The following ATP7B variants were observed in gnomAD, a reference collection of about 807,000 sequenced individuals.
ATP7B encodes the protein copper-transporting ATPase 2.
A neutral mutation model predicts 118.9 loss-of-function variants in ATP7B; 113 were observed. The ratio of observed to expected loss-of-function variants is 0.95; its 90% CI spans 0.82 to 1.11. The LOEUF is 1.11. Ranked by LOEUF, ATP7B falls within the 50% of genes most tolerant of loss-of-function variation. The pLI is 0.00. For synonymous variants in ATP7B, 777 were observed against 727.4 expected, an observed-to-expected ratio of 1.07 and a Z score of -1.10; for missense variants, 1,867 against 1,871.4, an observed-to-expected ratio of 1.00 and a Z score of 0.04.
chr13:51,973,660 C>T (rs1054819744), intron 2 of ATP7B, among the ~76,000 whole-genome samples: 3 of 152,216 alleles, frequency 2.0e-5, no homozygotes, highest in Non-Finnish European at 2.9e-5. Flanking sequence ...AATTCCATAT[C>T]TTTATAAATT....
intron 1 of ATP7B, among the ~76,000 whole-genome samples, chr13:51,993,624 A>G (rs1441285083): frequency 6.6e-6 from 1 of 152,218 alleles, no homozygotes; most frequent in Non-Finnish European, 1.5e-5. Context: ...GTGCTCAGAT[A>G]GATTACTGGG....
intron 19 of ATP7B, among the ~76,000 whole-genome samples, chr13:51,936,692 A>T (rs565730497): frequency 1.1e-3 from 167 of 152,114 alleles, no homozygotes; most frequent in Non-Finnish European, 1.7e-3. Context: ...ACGCCCAGCT[A>T]ACTTTAAAAT....
Position 51,934,342 on chromosome 13 carries a change from G to C in ATP7B, c.*414C>G. ...TGATGCACACAGACAGGCGTCATCA[G>C]AAAGACCCTGACAGTGAGGTCTGCA... On this transcript the variant is annotated 3_prime_UTR_variant, in exon 21 of 21. Coordinates refer to ENST00000242839, the MANE Select transcript of ATP7B (RefSeq NM_000053.4). 3.3e-6 allele frequency: 1 copy of C among 303,996 alleles called. No homozygotes were observed. 18.8% of individuals were successfully genotyped at this position (303,996 alleles called of 1,614,324 possible).
At chr13:51,937,777 G>A in intron 17 of ATP7B, 98 bp from the exon 18 acceptor site, 1 of 1,380,948 alleles carries the variant, frequency 7.2e-7, no homozygotes, top group Non-Finnish European at 1.0e-6. Context: ...TCGGCCTCTG[G>A]GTCCAGTCAG....
At chr13:51,965,746 G>A (rs1951517497) in intron 4 of ATP7B, among the ~76,000 whole-genome samples, 1 of 152,190 alleles carries the variant, frequency 6.6e-6, no homozygotes, top group Admixed American at 6.5e-5. Context: ...AAGGCTGCAG[G>A]GCTGGATGGG....
At chr13:51,965,096 T>C (rs1231715112) in intron 4 of ATP7B, 63 bp from the exon 5 acceptor site, 7 of 1,604,354 alleles carry the variant, frequency 4.4e-6, no homozygotes, top group Non-Finnish European at 6.0e-6. Context: ...TGAAAGCCAG[T>C]CCAGGGAGTC....
chr13:51,941,232 A>G lies in ATP7B; in HGVS notation c.3413-8T>C, dbSNP rs1957312964. 3 of 1,614,016 alleles carry G rather than the reference A, an allele frequency of 1.9e-6. No individual in the cohort carries two copies. In the Admixed American group the frequency reaches 5.0e-5, roughly 27 times the overall value. On this transcript the variant is annotated splice_polypyrimidine_tract_variant and splice_region_variant and intron_variant, in intron 15 of 20. Transcript: ENST00000242839. ...AGGTCTGGGGGACTGCATCTATTCA[A>G]AAGAGGCTGTGGTTATTTCTAAATG... is the stretch of plus-strand genomic sequence containing the variant.
intron 3 of ATP7B, among the ~76,000 whole-genome samples, chr13:51,969,423 G>A (rs767051769): frequency 4.6e-5 from 7 of 151,800 alleles, no homozygotes; most frequent in Non-Finnish European, 7.4e-5. Context: ...TGCTGTTACC[G>A]GAAGGATATC....
chr13:51,956,025 G>A (rs1323497304), intron 9 of ATP7B, among the ~76,000 whole-genome samples: 2 of 152,230 alleles, frequency 1.3e-5, no homozygotes, highest in Non-Finnish European at 2.9e-5. Context: ...GATGATGACA[G>A]TGCTGCCTCA....
At chr13:52,010,775 T>C (rs1243937041) in intron 1 of ATP7B, among the ~76,000 whole-genome samples, 2 of 152,256 alleles carry the variant, frequency 1.3e-5, no homozygotes, top group African/African-American at 2.4e-5. Context: ...TGAAGACATA[T>C]GTACGTGAAT....
chr13:52,002,107 C>G (rs1953517083), intron 1 of ATP7B, among the ~76,000 whole-genome samples: 1 of 152,162 alleles, frequency 6.6e-6, no homozygotes, highest in Non-Finnish European at 1.5e-5. Flanking sequence ...CTCTTCACAT[C>G]TATTTTGTTC....
chr13:51,952,429 A>G (rs900623882), intron 9 of ATP7B, among the ~76,000 whole-genome samples: 10 of 152,252 alleles, frequency 6.6e-5, no homozygotes, highest in Non-Finnish European at 1.3e-4. Flanking sequence ...CATTTAAACT[A>G]TCACAGGCAC....
At position 51,973,971 on chromosome 13, in the gene ATP7B, T is replaced by C. The variant is rs1202519735; in HGVS notation, c.1249A>G (p.Ile417Val). Residue 417 changes from isoleucine to valine, a missense_variant, in exon 2 of 21, where the codon ATA (isoleucine) becomes GTA (valine). Physicochemically the swap from Ile to Val is conservative, Grantham distance 29. Transcript: ENST00000242839. ...GAAGCCTCAAATCCCATGTCTTCTA[T>C]AGCAGCTCTGAGTTCTTCTGGGCTA... is the stretch of plus-strand genomic sequence containing the variant. ...VISPEELRAA[I>V]EDMGFEASVV... 1.9e-6 allele frequency: 3 copies of C among 1,614,156 alleles called. No homozygotes were observed. Among genetic ancestry groups the C allele is most frequent in the Non-Finnish European group, 2.5e-6 (3 of 1,180,062 alleles).
At chr13:51,985,847 T>C (rs919229456) in intron 1 of ATP7B, among the ~76,000 whole-genome samples, 2 of 151,666 alleles carry the variant, frequency 1.3e-5, no homozygotes, top group South Asian at 2.1e-4. Flanking sequence ...AAGGCAGAAA[T>C]AAGTTCTTTG....
intron 1 of ATP7B, among the ~76,000 whole-genome samples, chr13:51,993,625 G>T (rs575939547): frequency 6.6e-6 from 1 of 152,270 alleles, no homozygotes; most frequent in East Asian, 1.9e-4. Flanking sequence ...TGCTCAGATA[G>T]ATTACTGGGT....
chr13:51,938,583 T>C (rs1176945058), intron 17 of ATP7B, among the ~76,000 whole-genome samples: 3 of 152,228 alleles, frequency 2.0e-5, no homozygotes, highest in Admixed American at 2.0e-4. Context: ...CTGGAGCCGC[T>C]GCTGTGTGAG....
Position 51,939,201 on chromosome 13 carries a change from G to A in ATP7B, c.3557-8C>T, listed in dbSNP as rs765668065. On this transcript the variant is annotated splice_region_variant and splice_polypyrimidine_tract_variant and intron_variant, in intron 16 of 20. Transcript: ENST00000242839. ...TCATCCCACAGAGCACACCTGGAGCGAACCAGCCAGCATCAGCAGCTACAC... is the reference window on the plus strand; with the variant it reads ...TCATCCCACAGAGCACACCTGGAGCAAACCAGCCAGCATCAGCAGCTACAC... 11 of 1,612,104 alleles carry A rather than the reference G, an allele frequency of 6.8e-6. No individual in the cohort carries two copies. The highest frequency in any genetic ancestry group is 1.6e-4 in the Middle Eastern group (1 of 6,084).
rs565718194 is a variant in ATP7B, at chr13:51,943,876, C to A, written c.3243+233G>T. ...ACTCCTGTTGTTCTCCTGAGCCTGG[C>A]GCCTGGTGATGTTCAGCAAATGCCT... On this transcript the variant is annotated intron_variant, in intron 14 of 20. Transcript: ENST00000242839. 1.8e-4 allele frequency among the ~76,000 whole-genome samples: 27 copies of A among 152,238 alleles called. 1 individual carries two copies. The South Asian group carries it at 5.6e-3, about 32-fold the overall frequency.
Position 51,941,105 on chromosome 13 carries a change from T to G in ATP7B, c.3532A>C (p.Thr1178Pro). ...CCGTCAATAGCCACCAGGATGGCTG[T>G]CTGTCCTTTCATCTCGTGGTCTGTC... Reference protein sequence around the residue: ...AMTDHEMKGQTAILVAIDGVL... With the variant: ...AMTDHEMKGQPAILVAIDGVL... The change falls in exon 16 of 21, where the codon ACA becomes CCA. Residue 1178 changes from threonine to proline, a missense_variant. Physicochemically the swap from Thr to Pro is conservative, Grantham distance 38 (BLOSUM62 -1). Transcript: ENST00000242839. 6.2e-7 allele frequency: 1 copy of G among 1,614,226 alleles called. No homozygotes were observed. Among genetic ancestry groups the G allele is most frequent in the African/African-American group, 1.3e-5 (1 of 75,054 alleles).
Sources: allele counts gnomAD v4.1 joint callset (sites outside exome capture counted in the v4.1 genomes callset), GRCh38; gene constraint gnomAD v4.1.1; transcripts MANE v1.5; gene names NCBI Gene and HGNC (gene_info 2026-07-23, HGNC 2026-07-21).